Variants in PLB1 observed in about 807,000 individuals in gnomAD.
PLB1 encodes the protein phospholipase B1.
In PLB1, 242 loss-of-function variants were observed where a neutral mutation model predicts 227.4. That is an observed-to-expected ratio of 1.06 (90% CI 0.96 to 1.18). The LOEUF is 1.18. Ranked by LOEUF, PLB1 falls within the 50% of genes most tolerant of loss-of-function variation. The pLI is 0.00. For synonymous variants in PLB1, 757 were observed against 682.2 expected, an observed-to-expected ratio of 1.11 and a Z score of -1.71; for missense variants, 1,858 against 1,816.3, an observed-to-expected ratio of 1.02 and a Z score of -0.42.
intron 20 of PLB1, among the ~76,000 whole-genome samples, chr2:28,569,362 G>T (rs528871044): frequency 1.3e-5 from 2 of 152,290 alleles, no homozygotes; most frequent in South Asian, 4.1e-4. Flanking sequence ...GGTATATATA[G>T]ACCCTGCTCT....
chr2:28,566,998 G>A (rs1343962157), intron 20 of PLB1, among the ~76,000 whole-genome samples, 159 bp downstream of exon 20: 1 of 150,674 alleles, frequency 6.6e-6, no homozygotes, highest in East Asian at 2.0e-4. Flanking sequence ...GCCCAGCTCC[G>A]CTTCCGACAG....
rs774977026 is a variant in PLB1 at position 28,621,077 on chromosome 2, C to T, written c.3527+99C>T. On this transcript the variant is annotated intron_variant, in intron 49 of 57. Transcript: ENST00000327757. Reference sequence around the variant, plus strand: ...AGGGTGGTGTCCAGAAGCCTGGTCCCAGGGGCAATAGCAGCTGTGCAGGAC... The same window carrying T: ...AGGGTGGTGTCCAGAAGCCTGGTCCTAGGGGCAATAGCAGCTGTGCAGGAC... The T allele has an allele frequency of 7.3e-5, 70 of 955,402 alleles. 1 individual carries two copies. Among genetic ancestry groups the T allele is most frequent in the Middle Eastern group, 5.5e-4 (2 of 3,608 alleles). The allele number at this position is 955,402 out of a possible 1,614,324, so 59.2% of individuals were successfully genotyped here. A position where few individuals can be genotyped will look rare whatever the true frequency, so the allele number is the denominator to read the frequency against.
intron 9 of PLB1, among the ~76,000 whole-genome samples, chr2:28,535,343 C>T (rs777908309): frequency 1.3e-5 from 2 of 152,220 alleles, no homozygotes; most frequent in Non-Finnish European, 2.9e-5. Flanking sequence ...ACCACCAAGG[C>T]TTTGATGCCT....
chr2:28,628,746 G>A (rs1381890777), intron 52 of PLB1, 118 bp downstream of exon 52: 2 of 1,002,436 alleles, frequency 2.0e-6, no homozygotes, highest in African/African-American at 3.2e-5. Flanking sequence ...TGAGCACCTG[G>A]ATGGCAGGGA....
intron 29 of PLB1, among the ~76,000 whole-genome samples, chr2:28,590,911 C>T (rs376251682): frequency 5.3e-4 from 80 of 152,286 alleles, no homozygotes; most frequent in East Asian, 1.9e-3. Context: ...AAGACAGGCG[C>T]GTTCCCGTGA....
chr2:28,505,727 CCTT>C (rs1667569587), intron 1 of PLB1, among the ~76,000 whole-genome samples: 2 of 152,296 alleles, frequency 1.3e-5, no homozygotes, highest in Admixed American at 1.3e-4. Flanking sequence ...TTTTCCCAAG[CCTT>C]CTAGAAATAC....
intron 43 of PLB1, 87 bp from the exon 44 acceptor site, chr2:28,613,944 T>C (rs912162749): frequency 9.5e-7 from 1 of 1,049,934 alleles, no homozygotes; most frequent in Non-Finnish European, 1.5e-6. Context: ...TAAATAAATC[T>C]ACAGGGCAGG....
In PLB1 at chr2:28,624,949, G is replaced by A. The variant is rs533950103; in HGVS notation, c.3528-108G>A. The A allele has an allele frequency of 1.5e-4, 150 of 1,029,028 alleles. 2 individuals carry two copies. Among genetic ancestry groups the A allele is most frequent in the South Asian group, 1.2e-3 (86 of 74,150 alleles). 63.7% of individuals were successfully genotyped at this position (1,029,028 alleles called of 1,614,324 possible). ...TTGAGAATGGAATGACCTTTGTACT[G>A]GTAACATCATTCTTCTTGAAACACC... On this transcript the variant is annotated intron_variant, in intron 49 of 57. Transcript: ENST00000327757.
At chr2:28,553,703 G>A (rs1213304449) in intron 17 of PLB1, among the ~76,000 whole-genome samples, 1 of 152,158 alleles carries the variant, frequency 6.6e-6, no homozygotes, top group Non-Finnish European at 1.5e-5. Flanking sequence ...CCTAAAGGGG[G>A]GGGACTCACG....
intron 43 of PLB1, among the ~76,000 whole-genome samples, chr2:28,611,239 G>T (rs1450312050): frequency 6.6e-6 from 1 of 152,160 alleles, no homozygotes; most frequent in Non-Finnish European, 1.5e-5. Context: ...TAGCCCTCTA[G>T]CTCTGCCTCC....
chr2:28,594,592 CTG>C (rs36031863), intron 33 of PLB1: 83,075 of 154,852 alleles, frequency 0.54, 23,736 homozygotes, highest in Non-Finnish European at 0.64. Flanking sequence ...GTGATCAAGA[CTG>C]TGAAGGTTCT....
intron 20 of PLB1, among the ~76,000 whole-genome samples, chr2:28,567,195 G>T (rs1677102864): frequency 6.6e-6 from 1 of 151,698 alleles, no homozygotes; most frequent in South Asian, 2.1e-4. Context: ...AGAGAATAAA[G>T]AAAAGTGATT....
intron 31 of PLB1, 50 bp downstream of exon 31, chr2:28,591,810 CTATG>C: frequency 6.4e-7 from 1 of 1,555,528 alleles, no homozygotes; most frequent in Non-Finnish European, 8.9e-7. Flanking sequence ...ACAGGGGCTG[CTATG>C]CTGGTGAGTC....
At chr2:28,536,074 A>T (rs1325092405) in intron 9 of PLB1, among the ~76,000 whole-genome samples, 1 of 152,196 alleles carries the variant, frequency 6.6e-6, no homozygotes, top group African/African-American at 2.4e-5. Flanking sequence ...CGAGAAAAAC[A>T]TGTTTTACCC....
rs767152904 is a variant in PLB1, at chr2:28,596,991, C to T, written c.2322-1014C>T. On this transcript the variant is annotated intron_variant, in intron 33 of 57. Transcript: ENST00000327757. ...AAAATCCATTGGCCTGGGCCAGGCG[C>T]GGTGGCTCACGCCTGTAATCCCAGC... Among the ~76,000 whole-genome samples the T allele has an allele frequency of 9.2e-5, 14 of 152,264 alleles. 1 individual carries two copies. In the Middle Eastern group the frequency reaches 0.01, roughly 111 times the overall value.
At position 28,618,348 on chromosome 2, in the gene PLB1, G is replaced by C; in HGVS notation, c.3264G>C (p.Gln1088His). Residue 1088 changes from glutamine to histidine, a missense_variant, in exon 46 of 58, where the codon CAG becomes CAC. Physicochemically the swap from Gln to His is conservative, Grantham distance 24. Transcript: ENST00000327757. ...TCTGCTTGTCTCCCCTAGTCCACCA[G>C]CTCCGACCAGCAGACATCAAAGTGG... Reference protein sequence around the residue: ...ASNSVPTSVHQLRPADIKVVA... With the variant: ...ASNSVPTSVHHLRPADIKVVA... 1 of 1,614,072 alleles carries C rather than the reference G, an allele frequency of 6.2e-7. No homozygotes were observed. The highest frequency in any genetic ancestry group is 1.1e-5 in the South Asian group (1 of 91,080).
At chr2:28,562,540 CAAAAAA>C (rs60393903) in intron 17 of PLB1, among the ~76,000 whole-genome samples, 6 of 42,606 alleles carry the variant, frequency 1.4e-4, no homozygotes, top group African/African-American at 6.7e-4. Flanking sequence ...GACTCTGTCT[CAAAAAA>C]AAAAAAAAAA....
intron 14 of PLB1, among the ~76,000 whole-genome samples, chr2:28,543,809 C>T (rs558918015): frequency 3.3e-5 from 5 of 152,340 alleles, no homozygotes; most frequent in African/African-American, 7.2e-5. Context: ...GCGCGCAGCT[C>T]GCTCCTGGCC....
Position 28,593,683 on chromosome 2 carries a change from T to G in PLB1, c.2250T>G (p.Ala750=). ...VVAALGDSLT[A]GNGIGSKPDD... is the part of the protein sequence containing the mutation. ...TGGACTCTGGTATATTTTCAAAGGC[T>G]GGCAATGGAATTGGCTCCAAACCAG... The change falls in exon 33 of 58, where the codon GCT becomes GCG. Residue 750 remains alanine (A), a splice_region_variant and synonymous_variant. Transcript: ENST00000327757. The G allele has an allele frequency of 6.2e-7, 1 of 1,614,064 alleles. No individual in the cohort carries two copies. The highest frequency in any genetic ancestry group is 8.5e-7 in the Non-Finnish European group (1 of 1,179,946).
Sources: allele counts gnomAD v4.1 joint callset (sites outside exome capture counted in the v4.1 genomes callset), GRCh38; gene constraint gnomAD v4.1.1; transcripts MANE v1.5; gene names NCBI Gene and HGNC (gene_info 2026-07-23, HGNC 2026-07-21).